The following AMBRA1 variants were observed in gnomAD, a reference collection of about 807,000 sequenced individuals.
AMBRA1 encodes activating molecule in BECN1-regulated autophagy protein 1.
A neutral mutation model predicts 125.4 loss-of-function variants in AMBRA1; 47 were observed. The observed-to-expected ratio is 0.37, with a 90% CI of 0.30 to 0.48. The LOEUF (loss-of-function observed/expected upper bound fraction) is 0.48. Among genes scored for constraint, AMBRA1 ranks in the 20% least tolerant of loss-of-function variants. The probability of loss-of-function intolerance (pLI) is 0.99; values close to 1 mark genes in which losing one functional copy is unlikely to be tolerated. For synonymous variants in AMBRA1, 626 were observed against 655.5 expected (o/e 0.95, Z 0.69); for missense variants, 1,331 against 1,693.4 (o/e 0.79, Z 3.76).
At chr11:46,528,933 G>C (rs1952098124) in intron 7 of AMBRA1, among the ~76,000 whole-genome samples, 1 of 152,058 alleles carries the variant, frequency 6.6e-6, no homozygotes, top group African/African-American at 2.4e-5. Flanking sequence ...AAGCAGAAGA[G>C]GCAAAAAGAG....
intron 9 of AMBRA1, among the ~76,000 whole-genome samples, chr11:46,502,306 T>A (rs1190322077): frequency 6.6e-6 from 1 of 152,200 alleles, no homozygotes; most frequent in African/African-American, 2.4e-5. Context: ...GCTGGCTGAT[T>A]CCTAACTGCT....
chr11:46,452,137 G>A (rs998050221), intron 11 of AMBRA1, among the ~76,000 whole-genome samples: 13 of 151,930 alleles, frequency 8.6e-5, no homozygotes, highest in Admixed American at 2.6e-4. Flanking sequence ...CTGTTATTAA[G>A]AAAACACTAT....
At chr11:46,558,548 CAAAAAAAAAAAAAAAA>C (rs58748629) in intron 1 of AMBRA1, among the ~76,000 whole-genome samples, 1,077 of 38,808 alleles carry the variant, frequency 0.028, 36 homozygotes, top group African/African-American at 0.082. Context: ...GACTCCCTCT[CAAAAAAAAAAAAAAAA>C]AAAAAAAAAA....
At chr11:46,440,178 A>T (rs1947935858) in intron 12 of AMBRA1, among the ~76,000 whole-genome samples, 1 of 152,194 alleles carries the variant, frequency 6.6e-6, no homozygotes, top group Non-Finnish European at 1.5e-5. Flanking sequence ...ATTGAAAATG[A>T]CCTAAAGGTC....
intron 7 of AMBRA1, among the ~76,000 whole-genome samples, chr11:46,514,640 G>C (rs1951400089): frequency 6.6e-6 from 1 of 151,690 alleles, no homozygotes; most frequent in Admixed American, 6.6e-5. Context: ...TAATTGGCAG[G>C]ATTTTTTTTT....
intron 1 of AMBRA1, among the ~76,000 whole-genome samples, chr11:46,564,816 A>G (rs1185507348): frequency 6.6e-6 from 1 of 152,212 alleles, no homozygotes; most frequent in African/African-American, 2.4e-5. Flanking sequence ...GGCTATGAAT[A>G]TTAATTAGTA....
chr11:46,440,029 G>C lies in AMBRA1; in HGVS notation c.2632+3459C>G, dbSNP rs914484847. Among the ~76,000 whole-genome samples, 6 of 152,028 alleles carry C rather than the reference G, an allele frequency of 3.9e-5. No homozygotes were observed. The South Asian group carries it at 1.0e-3, about 26-fold the overall frequency. ...TGAACTCCAAGTGGAATAATAATTT[G>C]GCACGAGCTGTATAGAGTGTGGTAT... On this transcript the variant is annotated intron_variant, in intron 12 of 17. Transcript: ENST00000683756.
chr11:46,476,611 C>T (rs746359757), intron 11 of AMBRA1, among the ~76,000 whole-genome samples: 1 of 152,140 alleles, frequency 6.6e-6, no homozygotes. Context: ...GCATTTTAAA[C>T]AATTTACTCC....
intron 1 of AMBRA1, among the ~76,000 whole-genome samples, chr11:46,590,581 G>A (rs1366451188): frequency 6.6e-6 from 1 of 151,942 alleles, no homozygotes; most frequent in South Asian, 2.1e-4. Flanking sequence ...TCCAGCTTAA[G>A]TTCTAGAAGT....
At chr11:46,524,831 C>CTA (rs1222902536) in intron 7 of AMBRA1, among the ~76,000 whole-genome samples, 2 of 152,208 alleles carry the variant, frequency 1.3e-5, no homozygotes, top group Non-Finnish European at 2.9e-5. Context: ...AGGGTGAATA[C>CTA]TATAAAGGTA....
chr11:46,497,464 C>G (rs142575453), intron 9 of AMBRA1, among the ~76,000 whole-genome samples: 85 of 152,262 alleles, frequency 5.6e-4, no homozygotes, highest in Non-Finnish European at 1.1e-3. Context: ...AATGTCATCT[C>G]AATACAAGGC....
chr11:46,579,225 A>C (rs1278882310), intron 1 of AMBRA1, among the ~76,000 whole-genome samples: 1 of 152,174 alleles, frequency 6.6e-6, no homozygotes, highest in Non-Finnish European at 1.5e-5. Flanking sequence ...TGGGAGGCTG[A>C]GGCAGGAGTA....
At position 46,408,668 on chromosome 11, in the gene AMBRA1, C is replaced by A; in HGVS notation, c.3248G>T (p.Gly1083Val). The change falls in exon 17 of 18, where the codon GGG becomes GTG. Residue 1083 changes from glycine to valine, a missense_variant. Gly to Val is a moderately radical substitution (Grantham distance 109). Around this residue, in one of 4 missense-constraint regions of AMBRA1, gnomAD observed 354 missense variants for 532.7 expected, o/e 0.66. Transcript: ENST00000683756. ...CTGAAGCCCAATGGCATTCATCAGC[C>A]CCATGTCTCTGTCTGTCCTCCATGT... ...RATWRTDRDMGLMNAIGLQPR... is the reference protein window; with the variant it reads ...RATWRTDRDMVLMNAIGLQPR... 3.8e-6 allele frequency: 6 copies of A among 1,583,564 alleles called. No individual in the cohort carries two copies. Among genetic ancestry groups the A allele is most frequent in the Non-Finnish European group, 5.2e-6 (6 of 1,162,260 alleles).
intron 17 of AMBRA1, among the ~76,000 whole-genome samples, chr11:46,404,306 T>C (rs1485498086): frequency 6.6e-6 from 1 of 152,206 alleles, no homozygotes; most frequent in African/African-American, 2.4e-5. Flanking sequence ...GGTTTCACTA[T>C]CCATGCTCTT....
At chr11:46,463,914 C>T (rs1010565216) in intron 11 of AMBRA1, among the ~76,000 whole-genome samples, 198 of 152,212 alleles carry the variant, frequency 1.3e-3, no homozygotes, top group African/African-American at 4.6e-3. Flanking sequence ...CCTTTGTTAG[C>T]CTCTGCAAGG....
rs748429104 is a variant in AMBRA1, at chr11:46,542,695, C to T, written c.1322G>A (p.Ser441Asn). Residue 441 changes from serine to asparagine, a missense_variant, in exon 7 of 18, where the codon AGT becomes AAT. Physicochemically the swap from Ser to Asn is conservative, Grantham distance 46. This residue lies in a region of AMBRA1 where 689 missense variants were observed against 776.5 expected (regional missense o/e 0.89). Transcript: ENST00000683756. This position sits in a 1 kb window ranked among gnomAD's most constrained non-coding sequence, Gnocchi z 5.9. ...AGACAGCAAACTCACCGAAGAGGCA[C>T]TGGTTCTGGGCGGGGGCATGGATTC... is the stretch of plus-strand genomic sequence containing the variant. ...EAESMPPPRT[S>N]ASSVSLLSVL... The T allele has an allele frequency of 6.2e-7, 1 of 1,614,182 alleles. No individual in the cohort carries two copies. The highest frequency in any genetic ancestry group is 1.7e-5 in the Admixed American group (1 of 60,022).
intron 11 of AMBRA1, among the ~76,000 whole-genome samples, chr11:46,492,734 T>A (rs116792388): frequency 2.2e-4 from 33 of 152,302 alleles, no homozygotes; most frequent in African/African-American, 7.7e-4. Flanking sequence ...GAAAAACATC[T>A]GTCACTAAGC....
intron 14 of AMBRA1, chr11:46,428,734 T>C: frequency 1.2e-6 from 2 of 1,609,520 alleles, no homozygotes; most frequent in Admixed American, 1.7e-5. Context: ...CAGCCTCGGC[T>C]TTCTTGTCGG....
intron 9 of AMBRA1, among the ~76,000 whole-genome samples, chr11:46,502,922 G>A (rs10838602): frequency 0.19 from 28,434 of 151,600 alleles, 2,976 homozygotes; most frequent in African/African-American, 0.28. Flanking sequence ...TTAGCTGGGC[G>A]TGGTGGCAGG....
Sources: allele counts gnomAD v4.1 joint callset (sites outside exome capture counted in the v4.1 genomes callset), GRCh38; gene constraint gnomAD v4.1.1; regional missense constraint gnomAD v4.1.1; non-coding constraint Gnocchi (gnomAD v3.1); transcripts MANE v1.5; gene names NCBI Gene and HGNC (gene_info 2026-07-23, HGNC 2026-07-21).